The following ZNF567 variants were observed in gnomAD, a reference collection of about 807,000 sequenced individuals.
ZNF567 encodes zinc finger protein 567.
ZNF567 carries 36 observed loss-of-function variants against 53.9 expected under a neutral mutation model. The ratio of observed to expected loss-of-function variants is 0.67; its 90% CI spans 0.51 to 0.88. The LOEUF is 0.88. ZNF567 is among the 40% of genes least tolerant of loss of function. The probability of loss-of-function intolerance (pLI) is 0.00; values close to 1 mark genes in which losing one functional copy is unlikely to be tolerated. For synonymous variants in ZNF567, 224 were observed against 260.4 expected, an observed-to-expected ratio of 0.86 and a Z score of 1.35; for missense variants, 619 against 764.7, an observed-to-expected ratio of 0.81 and a Z score of 2.25.
intron 2 of ZNF567, among the ~76,000 whole-genome samples, chr19:36,692,160 G>T (rs2038651131): frequency 6.6e-6 from 1 of 152,138 alleles, no homozygotes; most frequent in Admixed American, 6.5e-5. Context: ...TGTTTGTCAT[G>T]GATAGATACT....
chr19:36,704,791 C>T (rs752193166), intron 3 of ZNF567, among the ~76,000 whole-genome samples: 8 of 152,082 alleles, frequency 5.3e-5, no homozygotes, highest in Non-Finnish European at 8.8e-5. Context: ...ATTTCTTAAA[C>T]GTTTGTTAGA....
intron 3 of ZNF567, chr19:36,711,356 CTT>C (rs1220137180): frequency 6.6e-6 from 1 of 152,182 alleles, no homozygotes; most frequent in African/African-American, 2.4e-5. Context: ...CTCCCGTCAC[CTT>C]TGAGGAAGTA....
the ZNF567 span, among the ~76,000 whole-genome samples, chr19:36,677,559 G>T: frequency 6.6e-6 from 1 of 151,550 alleles, no homozygotes; most frequent in Non-Finnish European, 1.5e-5. Flanking sequence ...CTGAGGTGAG[G>T]AGTTCGAGAC....
At chr19:36,706,903 G>A (rs12610572) in intron 3 of ZNF567, among the ~76,000 whole-genome samples, 45,968 of 151,060 alleles carry the variant, frequency 0.3, 7,446 homozygotes, top group East Asian at 0.58. Context: ...TGATCTTCCT[G>A]CCTGGCCTCC....
intron 3 of ZNF567, among the ~76,000 whole-genome samples, chr19:36,707,451 T>C (rs766835261): frequency 6.6e-6 from 1 of 152,228 alleles, no homozygotes; most frequent in East Asian, 1.9e-4. Flanking sequence ...CCACCCGTTG[T>C]ATTTTTCATA....
At chr19:36,668,534 C>G in the ZNF567 span, 1 of 152,384 alleles carries the variant, frequency 6.6e-6, no homozygotes, top group Admixed American at 6.5e-5. Flanking sequence ...TGGTTGCGAC[C>G]AGGAAGGTCT....
At chr19:36,725,349 C>T (rs1285354979), downstream of ZNF567, among the ~76,000 whole-genome samples, 1 of 151,988 alleles carries the variant, frequency 6.6e-6, no homozygotes, top group Non-Finnish European at 1.5e-5. Flanking sequence ...ATTACAGGTG[C>T]ATGCCACCAC....
At chr19:36,708,518 T>G (rs566262154) in intron 3 of ZNF567, among the ~76,000 whole-genome samples, 1 of 152,286 alleles carries the variant, frequency 6.6e-6, no homozygotes, top group African/African-American at 2.4e-5. Context: ...GGTTCACTAT[T>G]GATATTGATA....
At position 36,720,320 on chromosome 19, in the gene ZNF567, C is replaced by G. The variant is rs1568720660; in HGVS notation, c.1596C>G (p.Pro532=). The change falls in exon 6 of 6, where the codon CCC becomes CCG. Residue 532 remains proline, a synonymous_variant. Transcript: ENST00000682579. ...AGAGAATTCATACAGGGGAGAAACCCTATGTTTGTAATGAATGTGGGAAGT... is the reference window on the plus strand; with the variant it reads ...AGAGAATTCATACAGGGGAGAAACCGTATGTTTGTAATGAATGTGGGAAGT... ...LHQRIHTGEK[P]YVCNECGKSF... 5 of 1,613,990 alleles carry G rather than the reference C, an allele frequency of 3.1e-6. No homozygotes were observed. The East Asian group carries it at 8.9e-5, about 29-fold the overall frequency.
intron 3 of ZNF567, among the ~76,000 whole-genome samples, chr19:36,702,609 A>C (rs1452505658): frequency 2.0e-5 from 3 of 152,060 alleles, no homozygotes; most frequent in Non-Finnish European, 4.4e-5. Flanking sequence ...TATTTCTTGG[A>C]GGCTTTGTTC....
At chr19:36,696,552 A>G (rs939242698) in intron 3 of ZNF567, among the ~76,000 whole-genome samples, 1 of 152,118 alleles carries the variant, frequency 6.6e-6, no homozygotes, top group South Asian at 2.1e-4. Flanking sequence ...CCCAACCCCT[A>G]CCCACCTGCC....
At chr19:36,723,196 G>A (rs753414136), downstream of ZNF567, 6 of 702,752 alleles carry the variant, frequency 8.5e-6, no homozygotes, top group South Asian at 8.9e-5. Flanking sequence ...TAGGTGGAGA[G>A]GATGGCCTAA....
chr19:36,698,155 A>AT (rs2145649603), intron 3 of ZNF567, among the ~76,000 whole-genome samples: 1 of 152,044 alleles, frequency 6.6e-6, no homozygotes, highest in South Asian at 2.1e-4. Flanking sequence ...GTTCCCATCT[A>AT]TAAGTGAGAA....
At position 36,718,973 on chromosome 19, in the gene ZNF567, T is replaced by C. The variant is rs542748252; in HGVS notation, c.249T>C (p.Phe83=). 9.2e-5 allele frequency: 144 copies of C among 1,565,950 alleles called. No homozygotes were observed. The South Asian group carries it at 1.7e-3, about 19-fold the overall frequency. ...CLEENWKAED[F]LVKFKEHQEK... ...AAGAAAACTGGAAAGCTGAAGACTTTTTAGTGAAATTCAAGGAACACCAAG... is the reference window on the plus strand; with the variant it reads ...AAGAAAACTGGAAAGCTGAAGACTTCTTAGTGAAATTCAAGGAACACCAAG... Residue 83 remains phenylalanine, a synonymous_variant, in exon 6 of 6, where the codon TTT becomes TTC. Transcript: ENST00000682579.
intron 3 of ZNF567, among the ~76,000 whole-genome samples, chr19:36,705,840 C>T (rs1410963720): frequency 6.6e-6 from 1 of 151,876 alleles, no homozygotes; most frequent in Non-Finnish European, 1.5e-5. Flanking sequence ...ATGAATTCAC[C>T]CTGTCCTATT....
chr19:36,721,736 TTTTTTTTC>T (rs1208065435), downstream of ZNF567, among the ~76,000 whole-genome samples: 7 of 100,596 alleles, frequency 7.0e-5, no homozygotes, highest in Admixed American at 7.6e-4. Context: ...CAGAGTCTTT[TTTTTTTTC>T]TTTTTTTTTT....
At chr19:36,675,621 C>T in the ZNF567 span, among the ~76,000 whole-genome samples, 1 of 152,150 alleles carries the variant, frequency 6.6e-6, no homozygotes, top group East Asian at 1.9e-4. Context: ...TGCAGTGAGC[C>T]GAGATTGCAC....
chr19:36,706,476 TAG>T (rs2039493407), intron 3 of ZNF567, among the ~76,000 whole-genome samples: 1 of 152,016 alleles, frequency 6.6e-6, no homozygotes, highest in Non-Finnish European at 1.5e-5. Context: ...CTGTTTTTTA[TAG>T]AGACACAATT....
chr19:36,705,185 T>TA (rs1422342971), intron 3 of ZNF567, among the ~76,000 whole-genome samples: 1 of 152,176 alleles, frequency 6.6e-6, no homozygotes, highest in African/African-American at 2.4e-5. Context: ...GTATTTTTGT[T>TA]ACCTCATTTC....
Sources: gnomAD v4.1 joint callset for allele counts (sites outside exome capture counted in the v4.1 genomes callset) on GRCh38, gnomAD v4.1.1 for gene constraint, MANE v1.5 for transcripts, NCBI Gene and HGNC (gene_info 2026-07-23, HGNC 2026-07-21) for gene names.